Variants in PAMR1 observed in about 807,000 individuals in gnomAD.
PAMR1 encodes inactive serine protease PAMR1.
A neutral mutation model predicts 81.8 loss-of-function variants in PAMR1; 88 were observed. The ratio of observed to expected loss-of-function variants is 1.08; its 90% CI spans 0.91 to 1.28. The LOEUF is 1.28. PAMR1 is among the 50% of genes most tolerant of loss of function. The pLI is 0.00. For missense variants in PAMR1, 935 were observed against 919.7 expected (o/e 1.02, Z -0.21); for synonymous variants, 336 against 345.3 (o/e 0.97, Z 0.30).
At chr11:35,503,712 G>T (rs1850898236) in intron 1 of PAMR1, among the ~76,000 whole-genome samples, 1 of 151,976 alleles carries the variant, frequency 6.6e-6, no homozygotes, top group South Asian at 2.1e-4. Context: ...CTTATAGGTT[G>T]ATTTGTATTT....
At chr11:35,464,343 A>G (rs536319351) in intron 6 of PAMR1, among the ~76,000 whole-genome samples, 30 of 152,334 alleles carry the variant, frequency 2.0e-4, no homozygotes, top group African/African-American at 7.2e-4. Context: ...AAAAATATCC[A>G]TAACATGGGG....
chr11:35,484,748 C>T (rs1390179481), intron 3 of PAMR1, among the ~76,000 whole-genome samples: 3 of 152,194 alleles, frequency 2.0e-5, no homozygotes, highest in Non-Finnish European at 4.4e-5. Flanking sequence ...CCTTAGATGC[C>T]CAGTATCCTT....
At chr11:35,463,680 G>T (rs1274726068) in intron 6 of PAMR1, among the ~76,000 whole-genome samples, 1 of 152,146 alleles carries the variant, frequency 6.6e-6, no homozygotes, top group African/African-American at 2.4e-5. Flanking sequence ...GGAGGAGGGG[G>T]CCGTTCCCCT....
At chr11:35,504,992 T>C (rs1463980426) in intron 1 of PAMR1, among the ~76,000 whole-genome samples, 1 of 152,068 alleles carries the variant, frequency 6.6e-6, no homozygotes, top group Non-Finnish European at 1.5e-5. Context: ...TGTTTATTGC[T>C]CCAAACTTCC....
At chr11:35,499,937 G>A (rs1850799676) in intron 1 of PAMR1, among the ~76,000 whole-genome samples, 1 of 152,204 alleles carries the variant, frequency 6.6e-6, no homozygotes, top group Admixed American at 6.5e-5. Context: ...AGGGAGGCAG[G>A]ATGGTCAGAG....
intron 6 of PAMR1, chr11:35,453,349 C>T (rs564003797): frequency 1.6e-4 from 25 of 152,364 alleles, no homozygotes; most frequent in African/African-American, 4.6e-4. Flanking sequence ...TGTCTACCCA[C>T]GACGGCCTTC....
At chr11:35,506,830 A>G (rs1271400148) in intron 1 of PAMR1, among the ~76,000 whole-genome samples, 1 of 148,686 alleles carries the variant, frequency 6.7e-6, no homozygotes, top group Non-Finnish European at 1.5e-5. Context: ...ACCTTCCTGC[A>G]TGTGGATATT....
At chr11:35,527,610 C>A (rs769594049), upstream of PAMR1, among the ~76,000 whole-genome samples, 4 of 152,178 alleles carry the variant, frequency 2.6e-5, no homozygotes, top group African/African-American at 4.8e-5. Context: ...GCTGGCCAAC[C>A]AGTCCTGGTC....
At chr11:35,514,980 G>T (rs1184310208) in intron 1 of PAMR1, among the ~76,000 whole-genome samples, 1 of 152,154 alleles carries the variant, frequency 6.6e-6, no homozygotes, top group Non-Finnish European at 1.5e-5. Flanking sequence ...ACTTCAACCT[G>T]GGTGACAGAC....
intron 4 of PAMR1, among the ~76,000 whole-genome samples, chr11:35,472,451 C>A (rs1026163073): frequency 1.3e-5 from 2 of 152,192 alleles, no homozygotes; most frequent in Non-Finnish European, 2.9e-5. Context: ...TAGGCACGTG[C>A]CGGCCCTCAT....
At chr11:35,450,307 A>G (rs1027858005) in intron 6 of PAMR1, among the ~76,000 whole-genome samples, 1 of 152,168 alleles carries the variant, frequency 6.6e-6, no homozygotes, top group African/African-American at 2.4e-5. Flanking sequence ...GTTAATCTCA[A>G]TGACACTCTG....
chr11:35,444,579 G>C (rs939091809), intron 6 of PAMR1, among the ~76,000 whole-genome samples: 2 of 152,134 alleles, frequency 1.3e-5, no homozygotes, highest in African/African-American at 4.8e-5. Context: ...AGTTCTCCCA[G>C]TACCATGTAT....
chr11:35,478,946 C>T (rs1356655185), intron 3 of PAMR1, among the ~76,000 whole-genome samples: 3 of 152,118 alleles, frequency 2.0e-5, no homozygotes, highest in Non-Finnish European at 4.4e-5. Flanking sequence ...TTCCCCATGG[C>T]TACGTGCCCA....
intron 6 of PAMR1, among the ~76,000 whole-genome samples, chr11:35,463,045 A>G (rs1856689890): frequency 6.6e-6 from 1 of 152,206 alleles, no homozygotes; most frequent in African/African-American, 2.4e-5. Context: ...CAGTATATGC[A>G]TCTGTCCGTG....
In PAMR1 at chr11:35,433,821, G is replaced by GGGAT. The variant is rs377245331; in HGVS notation, c.1626+687_1626+690dup. Among the ~76,000 whole-genome samples, 69 of 149,534 alleles carry GGGAT rather than the reference G, an allele frequency of 4.6e-4. 1 individual carries two copies. The highest frequency in any genetic ancestry group is 1.3e-3 in the South Asian group (6 of 4,706). ...ATGGATGGATAGATGGAGGGATGGA[G>GGGAT]GGATGGATGGATGGATGGATGGATG... On this transcript the variant is annotated intron_variant, in intron 10 of 10. Coordinates refer to ENST00000619888, the MANE Select transcript of PAMR1 (RefSeq NM_001001991.3).
chr11:35,508,515 C>CTTTTTTTTTT (rs1851013668), intron 1 of PAMR1, among the ~76,000 whole-genome samples: 1 of 76,156 alleles, frequency 1.3e-5, no homozygotes, highest in African/African-American at 6.0e-5. Context: ...CAGGAACCTC[C>CTTTTTTTTTT]ATTTTTTTTT....
intron 7 of PAMR1, among the ~76,000 whole-genome samples, chr11:35,439,941 C>T (rs1696883821): frequency 6.6e-6 from 1 of 152,202 alleles, no homozygotes; most frequent in Admixed American, 6.5e-5. Context: ...GCTGCCCCAC[C>T]TGAGTGATTT....
At chr11:35,507,039 CTTTTTTTTTTT>C (rs71044524) in intron 1 of PAMR1, among the ~76,000 whole-genome samples, 2 of 86,862 alleles carry the variant, frequency 2.3e-5, no homozygotes, top group African/African-American at 4.5e-5. Context: ...AATAGCCTGA[CTTTTTTTTTTT>C]TTTTTTTTTT....
intron 1 of PAMR1, among the ~76,000 whole-genome samples, chr11:35,496,072 A>T (rs561252259): frequency 6.6e-6 from 1 of 152,316 alleles, no homozygotes; most frequent in South Asian, 2.1e-4. Context: ...TGACTTACTT[A>T]GCTGCGCTTC....
Sources: allele counts gnomAD v4.1 joint callset (sites outside exome capture counted in the v4.1 genomes callset), GRCh38; gene constraint gnomAD v4.1.1; transcripts MANE v1.5; gene names NCBI Gene and HGNC (gene_info 2026-07-23, HGNC 2026-07-21).